PELI2: variants seen among roughly 807,000 people sequenced by gnomAD.
The protein encoded by PELI2 is pellino E3 ubiquitin protein ligase family member 2, also known as E3 ubiquitin-protein ligase pellino homolog 2.
A neutral mutation model predicts 42.3 loss-of-function variants in PELI2; 23 were observed. That is an observed-to-expected ratio of 0.54 (90% CI 0.39 to 0.77). The LOEUF (loss-of-function observed/expected upper bound fraction) is 0.77, where lower values mean the gene tolerates loss of function less well. PELI2 is among the 30% of genes least tolerant of loss of function. PELI2 has a pLI of 0.00. For missense variants in PELI2, 463 were observed against 553.2 expected, an observed-to-expected ratio of 0.84 and a Z score of 1.64; for synonymous variants, 245 against 212.2, an observed-to-expected ratio of 1.15 and a Z score of -1.34.
intron 1 of PELI2, among the ~76,000 whole-genome samples, chr14:56,129,089 G>T (rs1883386520): frequency 1.3e-5 from 2 of 152,144 alleles, no homozygotes; most frequent in African/African-American, 2.4e-5. Context: ...AGACTTGAAA[G>T]GAAGGACCTG....
intron 2 of PELI2, among the ~76,000 whole-genome samples, chr14:56,233,356 A>G (rs1158402742): frequency 6.6e-6 from 1 of 152,230 alleles, no homozygotes; most frequent in East Asian, 1.9e-4. Context: ...TTCAAACTGT[A>G]CTACAAGTTT....
At chr14:56,286,240 C>T (rs938725458) in intron 3 of PELI2, among the ~76,000 whole-genome samples, 1 of 152,112 alleles carries the variant, frequency 6.6e-6, no homozygotes. Context: ...AAAGGGAGAA[C>T]ATTGGAATAC....
intron 1 of PELI2, 41 bp from the exon 2 acceptor site, chr14:56,178,294 A>C (rs778199379): frequency 6.2e-7 from 1 of 1,607,078 alleles, no homozygotes. Context: ...TAAAGCTTGA[A>C]AAATCTGCAG....
chr14:56,248,485 C>T (rs894273521), intron 2 of PELI2, among the ~76,000 whole-genome samples: 1 of 152,022 alleles, frequency 6.6e-6, no homozygotes, highest in African/African-American at 2.4e-5. Context: ...CAAGAGGTGG[C>T]TTACCGTTCT....
chr14:56,134,487 T>C (rs951221379), intron 1 of PELI2, among the ~76,000 whole-genome samples: 1 of 152,224 alleles, frequency 6.6e-6, no homozygotes, highest in East Asian at 1.9e-4. Flanking sequence ...ACTCTGAATC[T>C]TTTGCTTTTC....
chr14:56,214,818 G>T (rs1886840542), intron 2 of PELI2, among the ~76,000 whole-genome samples: 2 of 152,188 alleles, frequency 1.3e-5, no homozygotes, highest in South Asian at 4.1e-4. Context: ...AGATAGATAG[G>T]CTAAGACAGC....
At chr14:56,153,824 A>G (rs533917570) in intron 1 of PELI2, among the ~76,000 whole-genome samples, 1 of 152,252 alleles carries the variant, frequency 6.6e-6, no homozygotes, top group African/African-American at 2.4e-5. Context: ...TAATGTGTGG[A>G]TTAGTGGTGT....
intron 1 of PELI2, among the ~76,000 whole-genome samples, chr14:56,128,073 GA>G (rs900794582): frequency 7.3e-5 from 11 of 150,376 alleles, no homozygotes; most frequent in African/African-American, 1.7e-4. Flanking sequence ...TTAAGATGAA[GA>G]AAAAAAAATG....
chr14:56,233,815 G>A (rs1396571964), intron 2 of PELI2, among the ~76,000 whole-genome samples: 1 of 152,176 alleles, frequency 6.6e-6, no homozygotes, highest in Non-Finnish European at 1.5e-5. Context: ...AGAGTGAACA[G>A]GCAACCTACA....
intron 1 of PELI2, among the ~76,000 whole-genome samples, chr14:56,129,849 T>C (rs1356671965): frequency 1.3e-5 from 2 of 152,184 alleles, no homozygotes; most frequent in African/African-American, 4.8e-5. Context: ...ATCCCATTGC[T>C]GGAGAAAAGA....
chr14:56,297,178 G>A lies in PELI2; in HGVS notation c.*12G>A. 1 of 1,571,558 alleles carries A rather than the reference G, an allele frequency of 6.4e-7. No individual in the cohort carries two copies. Among genetic ancestry groups the A allele is most frequent in the Non-Finnish European group, 8.6e-7 (1 of 1,158,024 alleles). Reference sequence around the variant, plus strand: ...GTCCAATTGACTGACGCCCTTGACAGCCATCTACGACTTTATTAACAGGTT... The same window carrying A: ...GTCCAATTGACTGACGCCCTTGACAACCATCTACGACTTTATTAACAGGTT... On this transcript the variant is annotated 3_prime_UTR_variant, in exon 6 of 6. Coordinates refer to ENST00000267460, the MANE Select transcript of PELI2 (RefSeq NM_021255.3).
At chr14:56,179,509 G>A (rs1326591910) in intron 2 of PELI2, among the ~76,000 whole-genome samples, 1 of 152,126 alleles carries the variant, frequency 6.6e-6, no homozygotes, top group Admixed American at 6.5e-5. Context: ...GTATTAATGA[G>A]GGATGAGTAG....
intron 1 of PELI2, among the ~76,000 whole-genome samples, chr14:56,142,116 T>G (rs769441233): frequency 2.0e-5 from 3 of 152,214 alleles, no homozygotes; most frequent in African/African-American, 4.8e-5. Context: ...ATAGCGACAC[T>G]GATCTCTGCT....
At chr14:56,209,541 A>AT (rs1886640805) in intron 2 of PELI2, among the ~76,000 whole-genome samples, 1 of 151,580 alleles carries the variant, frequency 6.6e-6, no homozygotes, top group African/African-American at 2.4e-5. Context: ...TTAATAAAAT[A>AT]TTTCGTTTCG....
intron 2 of PELI2, among the ~76,000 whole-genome samples, chr14:56,226,390 A>C (rs752896355): frequency 6.6e-6 from 1 of 152,204 alleles, no homozygotes; most frequent in Non-Finnish European, 1.5e-5. Flanking sequence ...CTGCCAGGCA[A>C]ACCTTGCTTC....
At chr14:56,130,704 G>C (rs1352440507) in intron 1 of PELI2, among the ~76,000 whole-genome samples, 1 of 151,694 alleles carries the variant, frequency 6.6e-6, no homozygotes, top group African/African-American at 2.4e-5. Flanking sequence ...CTATTTACCT[G>C]AATATATTAT....
At chr14:56,228,125 T>C (rs538655489) in intron 2 of PELI2, among the ~76,000 whole-genome samples, 2 of 152,384 alleles carry the variant, frequency 1.3e-5, no homozygotes, top group African/African-American at 4.8e-5. Flanking sequence ...GCTCCTGCCC[T>C]GTAAAACTTT....
At chr14:56,149,639 C>G (rs1283305201) in intron 1 of PELI2, among the ~76,000 whole-genome samples, 1 of 151,398 alleles carries the variant, frequency 6.6e-6, no homozygotes, top group East Asian at 1.9e-4. Context: ...AGTGTGAAAT[C>G]TTTTTTGTTG....
At chr14:56,191,869 C>G (rs1002639435) in intron 2 of PELI2, among the ~76,000 whole-genome samples, 3 of 152,214 alleles carry the variant, frequency 2.0e-5, no homozygotes, top group Admixed American at 1.3e-4. Flanking sequence ...GAGTGTCGCT[C>G]TGTCACCCAG....
Sources: allele counts gnomAD v4.1 joint callset (sites outside exome capture counted in the v4.1 genomes callset), GRCh38; gene constraint gnomAD v4.1.1; transcripts MANE v1.5; gene names NCBI Gene and HGNC (gene_info 2026-07-23, HGNC 2026-07-21).